Variants in TENM4 observed in about 807,000 individuals in gnomAD.
TENM4 encodes the protein teneurin-4.
A neutral mutation model predicts 243.3 loss-of-function variants in TENM4; 82 were observed. The ratio of observed to expected loss-of-function variants is 0.34; its 90% CI spans 0.28 to 0.40. The LOEUF (loss-of-function observed/expected upper bound fraction) is 0.40. Ranked by LOEUF, TENM4 falls within the 10% of genes least tolerant of loss-of-function variation. The pLI is 1.00. For synonymous variants in TENM4, 1,412 were observed against 1,456.3 expected, an observed-to-expected ratio of 0.97 and a Z score of 0.69; for missense variants, 3,138 against 3,673.3, an observed-to-expected ratio of 0.85 and a Z score of 3.77.
chr11:79,382,341 G>A (rs1042698758), intron 1 of TENM4, among the ~76,000 whole-genome samples: 52 of 152,168 alleles, frequency 3.4e-4, no homozygotes, highest in African/African-American at 1.2e-3. Flanking sequence ...ATGCTCTTTT[G>A]TTCCTTCTGT....
At chr11:79,007,217 T>C (rs1391593603) in intron 6 of TENM4, among the ~76,000 whole-genome samples, 1 of 152,220 alleles carries the variant, frequency 6.6e-6, no homozygotes, top group East Asian at 1.9e-4. Context: ...TGTGCCTAAA[T>C]GCTATTTGAA....
chr11:78,832,122 C>T (rs528451278), intron 12 of TENM4, among the ~76,000 whole-genome samples: 2 of 152,350 alleles, frequency 1.3e-5, no homozygotes, highest in Admixed American at 1.3e-4. Context: ...TCATTCCCAG[C>T]CAGTCTCAGG....
chr11:78,951,792 GAGTT>G (rs1296544200), intron 6 of TENM4, among the ~76,000 whole-genome samples: 1 of 152,152 alleles, frequency 6.6e-6, no homozygotes, highest in Non-Finnish European at 1.5e-5. Context: ...ATCACATAGA[GAGTT>G]AGAGCTTCAA....
intron 29 of TENM4, among the ~76,000 whole-genome samples, chr11:78,681,855 G>A (rs1858549663): frequency 1.0e-4 from 4 of 38,258 alleles, no homozygotes; most frequent in African/African-American, 7.0e-4. Context: ...GTTAGTTGAT[G>A]CAGTTTCTTC....
chr11:78,934,854 T>C (rs1856748152), intron 6 of TENM4, among the ~76,000 whole-genome samples: 1 of 148,612 alleles, frequency 6.7e-6, no homozygotes. Context: ...ACATACTATA[T>C]GCAAGTTTTT....
At chr11:79,234,204 C>G (rs572013092) in intron 2 of TENM4, among the ~76,000 whole-genome samples, 53 of 152,314 alleles carry the variant, frequency 3.5e-4, no homozygotes, top group African/African-American at 1.3e-3. Flanking sequence ...TTCCCTTTGA[C>G]CTTCTTTTCC....
intron 6 of TENM4, among the ~76,000 whole-genome samples, chr11:79,024,980 C>A (rs1207293280): frequency 2.0e-5 from 3 of 152,152 alleles, no homozygotes; most frequent in African/African-American, 7.2e-5. Context: ...TTAGGATATG[C>A]CTCTCTTGAA....
chr11:78,657,455 A>C lies in TENM4; in HGVS notation c.*603T>G, dbSNP rs531882231. Reference sequence around the variant, plus strand: ...AAAAAGGTGCTGAACAACACCATGAAATTCCCTGGAGCAAGATGAAGCCAT... The same window carrying C: ...AAAAAGGTGCTGAACAACACCATGACATTCCCTGGAGCAAGATGAAGCCAT... On this transcript the variant is annotated 3_prime_UTR_variant, in exon 34 of 34. Transcript: ENST00000278550. The C allele has an allele frequency of 5.0e-4, 175 of 350,758 alleles. No individual in the cohort carries two copies. Among genetic ancestry groups the C allele is most frequent in the African/African-American group, 3.4e-3 (164 of 47,844 alleles). 21.7% of individuals were successfully genotyped at this position (350,758 alleles called of 1,614,324 possible).
intron 6 of TENM4, among the ~76,000 whole-genome samples, chr11:78,994,770 T>G (rs1025405181): frequency 1.3e-5 from 2 of 152,168 alleles, no homozygotes; most frequent in African/African-American, 4.8e-5. Context: ...AGAGTATCAA[T>G]CTCTGTTTTG....
chr11:78,865,411 G>A (rs1307181552), intron 9 of TENM4, among the ~76,000 whole-genome samples: 5 of 152,212 alleles, frequency 3.3e-5, no homozygotes, highest in East Asian at 1.9e-4. Flanking sequence ...CTTGGCTAGG[G>A]CACCTCTTGC....
chr11:78,954,197 G>A (rs1857162963), intron 6 of TENM4, among the ~76,000 whole-genome samples: 1 of 152,222 alleles, frequency 6.6e-6, no homozygotes, highest in Non-Finnish European at 1.5e-5. Flanking sequence ...GATGACAGGG[G>A]CAGAGGGCAG....
At chr11:79,367,405 C>A (rs1857697436) in intron 1 of TENM4, among the ~76,000 whole-genome samples, 1 of 152,208 alleles carries the variant, frequency 6.6e-6, no homozygotes, top group Non-Finnish European at 1.5e-5. Context: ...TTCTGTCCCT[C>A]CCCTTCCTCT....
chr11:78,969,178 A>G (rs1251602256), intron 6 of TENM4, among the ~76,000 whole-genome samples: 2 of 152,186 alleles, frequency 1.3e-5, no homozygotes, highest in Non-Finnish European at 1.5e-5. Flanking sequence ...TAGAGAGAAC[A>G]TGGTGGTTTT....
intron 1 of TENM4, among the ~76,000 whole-genome samples, chr11:79,378,981 T>C (rs1015208013): frequency 6.6e-6 from 1 of 151,942 alleles, no homozygotes; most frequent in African/African-American, 2.4e-5. Context: ...TTCTGCATTC[T>C]TTCTGCAAAC....
intron 27 of TENM4, among the ~76,000 whole-genome samples, chr11:78,705,094 A>C (rs955559458): frequency 2.6e-5 from 4 of 152,228 alleles, no homozygotes; most frequent in African/African-American, 9.6e-5. Context: ...TCAGGAACAC[A>C]GTTTGCTCTA....
chr11:78,828,301 C>T (rs1261655087), intron 12 of TENM4, among the ~76,000 whole-genome samples: 1 of 152,218 alleles, frequency 6.6e-6, no homozygotes, highest in Non-Finnish European at 1.5e-5. Context: ...ACTGGCCTCT[C>T]TTCTCCCAAA....
At chr11:79,230,272 C>A (rs1057165267) in intron 2 of TENM4, among the ~76,000 whole-genome samples, 2 of 152,200 alleles carry the variant, frequency 1.3e-5, no homozygotes, top group Non-Finnish European at 2.9e-5. Context: ...GGAGGAGTAT[C>A]TCCATGTGGC....
intron 1 of TENM4, among the ~76,000 whole-genome samples, chr11:79,416,626 A>G (rs997517038): frequency 6.6e-6 from 1 of 152,184 alleles, no homozygotes; most frequent in African/African-American, 2.4e-5. Flanking sequence ...CATGCACTGT[A>G]TCATCTCACC....
chr11:78,709,393 TGAG>T (rs1315306656), intron 26 of TENM4, among the ~76,000 whole-genome samples: 1 of 152,188 alleles, frequency 6.6e-6, no homozygotes, highest in Non-Finnish European at 1.5e-5. Flanking sequence ...GGCAGCACAC[TGAG>T]GAGAGGAGTC....
Sources: allele counts gnomAD v4.1 joint callset (sites outside exome capture counted in the v4.1 genomes callset), GRCh38; gene constraint gnomAD v4.1.1; transcripts MANE v1.5; gene names NCBI Gene and HGNC (gene_info 2026-07-23, HGNC 2026-07-21).